IGFN1: variants seen among roughly 807,000 people sequenced by gnomAD.
IGFN1 encodes the protein immunoglobulin like and fibronectin type III domain containing 1, also known as immunoglobulin-like and fibronectin type III domain-containing protein 1.
IGFN1 carries 253 observed loss-of-function variants against 289.5 expected under a neutral mutation model. The ratio of observed to expected loss-of-function variants is 0.87; its 90% CI spans 0.79 to 0.97. The LOEUF is 0.97. IGFN1 is among the 50% of genes least tolerant of loss of function. The probability of loss-of-function intolerance (pLI) is 0.00; values close to 1 mark genes in which losing one functional copy is unlikely to be tolerated. For missense variants in IGFN1, 4,470 were observed against 4,686.1 expected, an observed-to-expected ratio of 0.95 and a Z score of 1.35; for synonymous variants, 1,706 against 1,788.5, an observed-to-expected ratio of 0.95 and a Z score of 1.16.
chr1:201,200,212 C>T (rs1005034170), intron 7 of IGFN1, 25 bp from the exon 8 acceptor site: 2 of 1,545,322 alleles, frequency 1.3e-6, no homozygotes, highest in African/African-American at 2.7e-5. Flanking sequence ...CCTCTGGCCT[C>T]TGACCTGCTA....
Position 201,219,057 on chromosome 1 carries a change from G to GAAAAT in IGFN1, c.9898+402_9898+403insATAAA, listed in dbSNP as rs1247623615. ...TGTTACAAAAAAAAAGAAAAGAAAA[G>GAAAAT]AAAGAAGAAAAAAAAAAGCAGAGTC... On this transcript the variant is annotated intron_variant, in intron 18 of 23. Coordinates refer to ENST00000335211, the MANE Select transcript of IGFN1 (RefSeq NM_001164586.2). Among the ~76,000 whole-genome samples, 83 of 36,560 alleles carry GAAAAT rather than the reference G, an allele frequency of 2.3e-3. 1 individual carries two copies. Among genetic ancestry groups the GAAAAT allele is most frequent in the Non-Finnish European group, 3.3e-3 (64 of 19,510 alleles). 24.0% of individuals were successfully genotyped at this position (36,560 alleles called of 152,430 possible). A position where few individuals can be genotyped will look rare whatever the true frequency, so the allele number is the denominator to read the frequency against.
intron 20 of IGFN1, 62 bp downstream of exon 20, chr1:201,222,889 G>A: frequency 1.8e-6 from 2 of 1,140,682 alleles, no homozygotes; most frequent in Non-Finnish European, 2.6e-6. Flanking sequence ...GCCAGACTCA[G>A]CCCTGTGGCT....
rs557096408 is a variant in IGFN1 at position 201,207,938 on chromosome 1, G to T, written c.3045G>T (p.Ala1015=). ...GTGGGTACAGGCATGGCTCCGGAGC[G>T]CCTGGGGGAGTGTGGTCTGGAAATG... The part of the protein sequence containing the change: ...EGGGYRHGSG[A]PGGVWSGNED... Residue 1015 remains alanine, a synonymous_variant, in exon 12 of 24, where the codon GCG becomes GCT. Transcript: ENST00000335211. 6.5e-7 allele frequency: 1 copy of T among 1,536,814 alleles called. No individual in the cohort carries two copies. Among genetic ancestry groups the T allele is most frequent in the Non-Finnish European group, 8.7e-7 (1 of 1,146,806 alleles).
Position 201,212,006 on chromosome 1 carries a change from G to C in IGFN1, c.7113G>C (p.Leu2371=). Residue 2371 remains leucine (L), a synonymous_variant, in exon 12 of 24, where the codon CTG becomes CTC. Coordinates refer to ENST00000335211, the MANE Select transcript of IGFN1 (RefSeq NM_001164586.2). ...GGAGGCTTGGAGTACCAGGCTCACT[G>C]GCTGGAATAGGACATGAGGCTGGAC... is the stretch of plus-strand genomic sequence containing the variant. ...GSGRLGVPGS[L]AGIGHEAGPR... 1 of 1,536,154 alleles carries C rather than the reference G, an allele frequency of 6.5e-7. No individual in the cohort carries two copies. Among genetic ancestry groups the C allele is most frequent in the South Asian group, 1.2e-5 (1 of 84,032 alleles).
In IGFN1 at chr1:201,206,561, A is replaced by G; in HGVS notation, c.1668A>G (p.Ala556=). ...ACAGTGATGAATGCTGGAGGAAAGC[A>G]GGAGGCTGGGAGGCTGGGTCCAGTC... ...DSNSDECWRK[A]GGWEAGSSRL... Residue 556 remains alanine, a synonymous_variant, in exon 12 of 24, where the codon GCA becomes GCG. Coordinates refer to ENST00000335211, the MANE Select transcript of IGFN1 (RefSeq NM_001164586.2). The G allele has an allele frequency of 6.4e-7, 1 of 1,550,608 alleles. No homozygotes were observed. Among genetic ancestry groups the G allele is most frequent in the Non-Finnish European group, 8.7e-7 (1 of 1,146,998 alleles).
chr1:201,211,542 G>T lies in IGFN1; in HGVS notation c.6649G>T (p.Asp2217Tyr). The stretch of plus-strand genomic sequence containing the variant: ...AGTGAATAAGGCAGGTTATAGGAAG[G>T]ATTTGGGGGCTCCTAAGGGAATGGG... ...GSVNKAGYRK[D>Y]LGAPKGMGSG... The change falls in exon 12 of 24, where the codon GAT becomes TAT. Residue 2217 changes from aspartate (D) to tyrosine (Y), a missense_variant. Physicochemically the swap from Asp to Tyr is radical, Grantham distance 160. This residue lies in a region of IGFN1 where 2,218 missense variants were observed against 2,114.1 expected (regional missense o/e 1.05). Coordinates refer to ENST00000335211, the MANE Select transcript of IGFN1 (RefSeq NM_001164586.2). 18 of 1,522,448 alleles carry T rather than the reference G, an allele frequency of 1.2e-5. No individual in the cohort carries two copies. Among genetic ancestry groups the T allele is most frequent in the Non-Finnish European group, 1.5e-5 (17 of 1,138,948 alleles). 94.3% of individuals were successfully genotyped at this position (1,522,448 alleles called of 1,614,324 possible). A position where few individuals can be genotyped will look rare whatever the true frequency, so the allele number is the denominator to read the frequency against.
intron 3 of IGFN1, among the ~76,000 whole-genome samples, chr1:201,195,324 G>C (rs1299648602): frequency 6.6e-6 from 1 of 152,016 alleles, no homozygotes; most frequent in Non-Finnish European, 1.5e-5. Flanking sequence ...GCTACTTTTT[G>C]TATTTTTAAT....
rs368090751 is a variant in IGFN1 at position 201,227,128 on chromosome 1, C to G, written c.11033C>G (p.Pro3678Arg). 3.7e-6 allele frequency: 6 copies of G among 1,613,406 alleles called. No individual in the cohort carries two copies. Among genetic ancestry groups the G allele is most frequent in the Non-Finnish European group, 3.4e-6 (4 of 1,179,980 alleles). The stretch of plus-strand genomic sequence containing the variant: ...TCCCTCACCATCCCCAGCGTATCCC[C>G]GAAGGACAGCGGGGAGTACAAGGCT... ...VCSLTIPSVS[P>R]KDSGEYKAVA... is the part of the protein sequence containing the mutation. Residue 3678 changes from proline to arginine, a missense_variant, in exon 23 of 24, where the codon CCG becomes CGG. Transcript: ENST00000335211.
At chr1:201,204,682 G>A (rs1268600313) in intron 10 of IGFN1, among the ~76,000 whole-genome samples, 10 of 152,114 alleles carry the variant, frequency 6.6e-5, no homozygotes, top group Non-Finnish European at 1.5e-4. Flanking sequence ...CGTAAGACTG[G>A]GGCAAGTTAT....
In IGFN1 at chr1:201,207,496, T is replaced by TG; in HGVS notation, c.2606dup (p.Gly870TrpfsTer23). ...GGGCCCAGTGGAGGACAAGAGGGTA[T>TG]GGGTGGTATCTGGGTGGCTGGACTG... On this transcript the variant is annotated frameshift_variant, in exon 12 of 24. Transcript: ENST00000335211. LOFTEE classifies it high-confidence loss of function. 6.5e-7 allele frequency: 1 copy of TG among 1,534,728 alleles called. No homozygotes were observed. Among genetic ancestry groups the TG allele is most frequent in the Non-Finnish European group, 8.7e-7 (1 of 1,145,674 alleles).
At chr1:201,197,001 C>T (rs534360546) in intron 4 of IGFN1, among the ~76,000 whole-genome samples, 74 of 152,332 alleles carry the variant, frequency 4.9e-4, no homozygotes, top group African/African-American at 1.7e-3. Flanking sequence ...CTTTCTACTT[C>T]GCTACATTGC....
In IGFN1 at chr1:201,206,998, A is replaced by T. The variant is rs930023607; in HGVS notation, c.2105A>T (p.Asp702Val). The T allele has an allele frequency of 2.0e-6, 3 of 1,536,480 alleles. No individual in the cohort carries two copies. Residue 702 changes from aspartate to valine, a missense_variant, in exon 12 of 24, where the codon GAT becomes GTT. Asp to Val is a radical substitution (Grantham distance 152). Transcript: ENST00000335211. ...TCCTGGGGTTCTCAGGGAGGTAGAG[A>T]TGCTGACTATGGGGAAGCCAGGGGC... ...PESWGSQGGRDADYGEARGYW... is the reference protein window; with the variant it reads ...PESWGSQGGRVADYGEARGYW...
In IGFN1 at chr1:201,213,405, G is replaced by T. The variant is rs1180690198; in HGVS notation, c.8512G>T (p.Ala2838Ser). The change falls in exon 12 of 24, where the codon GCT (alanine) becomes TCT (serine). Residue 2838 changes from alanine to serine, a missense_variant. Physicochemically the swap from Ala to Ser is moderately conservative, Grantham distance 99. This residue lies in a region of IGFN1 where 2,218 missense variants were observed against 2,114.1 expected (regional missense o/e 1.05). Transcript: ENST00000335211. ...GGGKRRGADE[A>S]GSMGWQPMGE... ...AGGAAAGAGAAGGGGAGCAGACGAGGCTGGAAGCATGGGGTGGCAGCCTAT... is the reference window on the plus strand; with the variant it reads ...AGGAAAGAGAAGGGGAGCAGACGAGTCTGGAAGCATGGGGTGGCAGCCTAT... The T allele has an allele frequency of 6.2e-7, 1 of 1,614,030 alleles. No individual in the cohort carries two copies. The highest frequency in any genetic ancestry group is 8.5e-7 in the Non-Finnish European group (1 of 1,179,940).
intron 14 of IGFN1, 57 bp from the exon 15 acceptor site, chr1:201,215,482 A>G (rs755297061): frequency 1.4e-6 from 2 of 1,447,050 alleles, no homozygotes; most frequent in Non-Finnish European, 1.9e-6. Flanking sequence ...CCTCCTTTCT[A>G]TATTCCCCAG....
rs1318902531 is a variant in IGFN1, at chr1:201,201,844, G to T, written c.747+12G>T. ...TTTACCTGTATAAGGTGAGGCTGGA[G>T]GGGCTATGGGTGGGGGGGATCTGGC... On this transcript the variant is annotated intron_variant, in intron 9 of 23. Coordinates refer to ENST00000335211, the MANE Select transcript of IGFN1 (RefSeq NM_001164586.2). The T allele has an allele frequency of 1.7e-6, 2 of 1,209,962 alleles. No individual in the cohort carries two copies. Among genetic ancestry groups the T allele is most frequent in the Admixed American group, 2.0e-5 (1 of 50,566 alleles). The allele number at this position is 1,209,962 out of a possible 1,614,324, so 75.0% of individuals were successfully genotyped here.
chr1:201,214,932 A>G, intron 13 of IGFN1, 81 bp from the exon 14 acceptor site: 2 of 1,424,252 alleles, frequency 1.4e-6, no homozygotes, highest in South Asian at 2.7e-5. Context: ...TCCCAGCATC[A>G]GTAAAGGGCT....
Position 201,199,620 on chromosome 1 carries a change from G to C in IGFN1, c.424G>C (p.Glu142Gln). ...HREPQEDLRK[E>Q]LMDFRKLLKK... ...TGCTCCTTTTTCAGACCTCAGGAAG[G>C]AGCTGATGGACTTCCGGAAGTTGCT... Residue 142 changes from glutamate to glutamine, a missense_variant, in exon 7 of 24, where the codon GAG becomes CAG. Glu to Gln is a conservative substitution (Grantham distance 29). Transcript: ENST00000335211. 1 of 1,551,604 alleles carries C rather than the reference G, an allele frequency of 6.4e-7. No individual in the cohort carries two copies. Among genetic ancestry groups the C allele is most frequent in the Non-Finnish European group, 8.7e-7 (1 of 1,146,942 alleles).
In IGFN1 at chr1:201,222,660, C is replaced by A. The variant is rs1653807220; in HGVS notation, c.10202-79C>A. On this transcript the variant is annotated intron_variant, in intron 19 of 23. Coordinates refer to ENST00000335211, the MANE Select transcript of IGFN1 (RefSeq NM_001164586.2). ...CGACTGGCCCAGTCTTCCCCTCCAG[C>A]CCTACCTTGCTGGGGACCTGGGGCT... is the stretch of plus-strand genomic sequence containing the variant. 3 of 952,162 alleles carry A rather than the reference C, an allele frequency of 3.2e-6. 1 individual carries two copies. Among genetic ancestry groups the A allele is most frequent in the Non-Finnish European group, 5.0e-6 (3 of 601,380 alleles). The allele number at this position is 952,162 out of a possible 1,614,324, so 59.0% of individuals were successfully genotyped here.
rs1653729684 is a variant in IGFN1, at chr1:201,221,580, T to A, written c.10035T>A (p.Ser3345Arg). ...GYVVELCSSDSLQWLPCHVGT... is the reference protein window; with the variant it reads ...GYVVELCSSDRLQWLPCHVGT... ...TGGTGGAGCTGTGCAGCTCAGACAGTCTCCAGTGGCTCCCGTGCCATGTGG... is the reference window on the plus strand; with the variant it reads ...TGGTGGAGCTGTGCAGCTCAGACAGACTCCAGTGGCTCCCGTGCCATGTGG... The change falls in exon 19 of 24, where the codon AGT (serine) becomes AGA (arginine). Residue 3345 changes from serine to arginine, a missense_variant. Transcript: ENST00000335211. The A allele has an allele frequency of 6.2e-7, 1 of 1,613,992 alleles. No individual in the cohort carries two copies.
Sources: allele counts gnomAD v4.1 joint callset (sites outside exome capture counted in the v4.1 genomes callset), GRCh38; gene constraint gnomAD v4.1.1; regional missense constraint gnomAD v4.1.1; transcripts MANE v1.5; gene names NCBI Gene and HGNC (gene_info 2026-07-23, HGNC 2026-07-21).